The following NFKBIZ variants were observed in gnomAD, a reference collection of about 807,000 sequenced individuals.
NFKBIZ encodes the protein NF-kappa-B inhibitor zeta.
In NFKBIZ, 19 loss-of-function variants were observed where a neutral mutation model predicts 76.8. That is an observed-to-expected ratio of 0.25 (90% CI 0.17 to 0.36). NFKBIZ has a LOEUF of 0.36. Ranked by LOEUF, NFKBIZ falls within the 10% of genes least tolerant of loss-of-function variation. The probability of loss-of-function intolerance (pLI) is 1.00; values close to 1 mark genes in which losing one functional copy is unlikely to be tolerated. For synonymous variants in NFKBIZ, 368 were observed against 354.8 expected (o/e 1.04, Z -0.42); for missense variants, 829 against 910.9 (o/e 0.91, Z 1.16).
At chr3:101,842,811 G>A (rs2107403495) in intron 2 of NFKBIZ, among the ~76,000 whole-genome samples, 1 of 150,836 alleles carries the variant, frequency 6.6e-6, no homozygotes, top group South Asian at 2.1e-4. Flanking sequence ...CTGGATGGGT[G>A]ATCATTTGCA....
rs531600944 is a variant in NFKBIZ at position 101,860,754 on chromosome 3, C to T, written c.*1383C>T. ...GAATGTATTTGGCTTTGATTACACA[C>T]TAAGTTTTTGTAATAAATTTGACTC... On this transcript the variant is annotated 3_prime_UTR_variant, in exon 12 of 12. Transcript: ENST00000326172. 11 of 149,258 alleles carry T rather than the reference C, an allele frequency of 7.4e-5. No homozygotes were observed. The South Asian group carries it at 1.5e-3, about 20-fold the overall frequency. The allele number at this position is 149,258 out of a possible 1,614,324, so 9.2% of individuals were successfully genotyped here.
chr3:101,850,827 A>C (rs1942946176), intron 1 of NFKBIZ, among the ~76,000 whole-genome samples: 1 of 152,250 alleles, frequency 6.6e-6, no homozygotes, highest in Non-Finnish European at 1.5e-5. Flanking sequence ...GCGAAAAGCG[A>C]TTTAAACCAC....
At chr3:101,853,917 T>C (rs931644156) in intron 5 of NFKBIZ, 54 bp downstream of exon 5, 1 of 1,521,504 alleles carries the variant, frequency 6.6e-7, no homozygotes, top group Non-Finnish European at 9.0e-7. Flanking sequence ...CTTGTTGGAC[T>C]AGTGAGCATA....
At chr3:101,834,538 T>C (rs1227694414) in intron 2 of NFKBIZ, among the ~76,000 whole-genome samples, 1 of 152,128 alleles carries the variant, frequency 6.6e-6, no homozygotes, top group East Asian at 1.9e-4. Context: ...TTTTTGTATT[T>C]TTAGAAGAGA....
chr3:101,843,020 TAAAAAAAAAAAAAAA>T (rs35824432), intron 2 of NFKBIZ, among the ~76,000 whole-genome samples: 7 of 66,436 alleles, frequency 1.1e-4, no homozygotes. Context: ...CTGTATTTTC[TAAAAAAAAAAAAAAA>T]AAAAAAAAAA....
At chr3:101,829,754 A>G (rs929385681) in intron 2 of NFKBIZ, 1 of 152,130 alleles carries the variant, frequency 6.6e-6, no homozygotes, top group African/African-American at 2.4e-5. Flanking sequence ...GCTGATGTCA[A>G]AAAGGGCAGT....
At chr3:101,857,668 C>T (rs555169520) in intron 11 of NFKBIZ, 1 of 985,412 alleles carries the variant, frequency 1.0e-6, no homozygotes, top group Non-Finnish European at 1.2e-6. Context: ...TCCATAGACT[C>T]AAAATGGTTA....
upstream of NFKBIZ, among the ~76,000 whole-genome samples, chr3:101,845,037 G>A (rs919506981): frequency 2.0e-5 from 3 of 152,060 alleles, no homozygotes; most frequent in Admixed American, 1.3e-4. Context: ...GGAGGCTGAG[G>A]AGTGGGGGAT....
At chr3:101,854,766 T>G in intron 6 of NFKBIZ, 83 bp downstream of exon 6, 4 of 905,378 alleles carry the variant, frequency 4.4e-6, no homozygotes, top group South Asian at 3.5e-5. Context: ...GTAGATCATC[T>G]TAGAGCTCAA....
chr3:101,847,778 G>A (rs1383840674), upstream of NFKBIZ, among the ~76,000 whole-genome samples: 1 of 152,196 alleles, frequency 6.6e-6, no homozygotes, highest in Non-Finnish European at 1.5e-5. Flanking sequence ...TGTGGGGTAT[G>A]GCTGTATTTA....
At chr3:101,856,272 G>A (rs1011028302) in intron 9 of NFKBIZ, among the ~76,000 whole-genome samples, 13 of 152,102 alleles carry the variant, frequency 8.5e-5, no homozygotes, top group Admixed American at 2.0e-4. Context: ...GGATGGTCTC[G>A]ATCTCCTGAC....
chr3:101,841,255 C>T (rs1942781223), intron 2 of NFKBIZ, among the ~76,000 whole-genome samples: 1 of 152,206 alleles, frequency 6.6e-6, no homozygotes, highest in Non-Finnish European at 1.5e-5. Flanking sequence ...ATAGGTTACA[C>T]TCTTGTAAGG....
At chr3:101,828,915 A>G (rs1214760649) in intron 1 of NFKBIZ, among the ~76,000 whole-genome samples, 1 of 152,240 alleles carries the variant, frequency 6.6e-6, no homozygotes, top group Non-Finnish European at 1.5e-5. Context: ...TTGGTAATAT[A>G]TATTTCCTCT....
At chr3:101,842,196 AAGTGAGTCTTG>A (rs1212521958) in intron 2 of NFKBIZ, among the ~76,000 whole-genome samples, 1 of 152,164 alleles carries the variant, frequency 6.6e-6, no homozygotes, top group African/African-American at 2.4e-5. Context: ...GTTGGATATT[AAGTGAGTCTTG>A]AGTGAGTGTT....
chr3:101,859,523 T>A lies in NFKBIZ; in HGVS notation c.*152T>A. On this transcript the variant is annotated 3_prime_UTR_variant, in exon 12 of 12. Transcript: ENST00000326172. ...TTCACTATTATATAGTGGGTTATAT[T>A]AAAAGAAAAGAAGAAAAATATCTAA... 1 of 476,032 alleles carries A rather than the reference T, an allele frequency of 2.1e-6. No individual in the cohort carries two copies. Among genetic ancestry groups the A allele is most frequent in the Non-Finnish European group, 3.8e-6 (1 of 266,126 alleles). 29.5% of individuals were successfully genotyped at this position (476,032 alleles called of 1,614,324 possible).
Position 101,852,100 on chromosome 3 carries a change from G to T in NFKBIZ, c.305G>T (p.Gly102Val). Reference sequence around the variant, plus strand: ...TTTTGAACAGTTGAGCCCCATATGGGGGTTGGCAGGCAGCAGAGAGGCCCC... The same window carrying T: ...TTTTGAACAGTTGAGCCCCATATGGTGGTTGGCAGGCAGCAGAGAGGCCCC... Reference protein sequence around the residue: ...AERQPVEPHMGVGRQQRGPFQ... With the variant: ...AERQPVEPHMVVGRQQRGPFQ... The change falls in exon 2 of 12, where the codon GGG (glycine) becomes GTG (valine). Residue 102 changes from glycine to valine, a missense_variant. Physicochemically the swap from Gly to Val is moderately radical, Grantham distance 109. Coordinates refer to ENST00000326172, the MANE Select transcript of NFKBIZ (RefSeq NM_031419.4). 6.2e-7 allele frequency: 1 copy of T among 1,614,164 alleles called. No individual in the cohort carries two copies. Among genetic ancestry groups the T allele is most frequent in the Non-Finnish European group, 8.5e-7 (1 of 1,180,032 alleles).
chr3:101,852,741 C>A lies in NFKBIZ; in HGVS notation c.433C>A (p.Gln145Lys), dbSNP rs1458944107. 6 of 1,605,430 alleles carry A rather than the reference C, an allele frequency of 3.7e-6. No homozygotes were observed. The highest frequency in any genetic ancestry group is 5.1e-6 in the Non-Finnish European group (6 of 1,177,342). ...TTGGAAACTTTTTTCTTTATAGACA[C>A]AAGGTGTGAACATAGAACAGTTCAG... Reference protein sequence around the residue: ...SGQAVDDFKTQGVNIEQFREL... With the variant: ...SGQAVDDFKTKGVNIEQFREL... The change falls in exon 3 of 12, where the codon CAA becomes AAA. Residue 145 changes from glutamine (Q) to lysine (K), a missense_variant. Physicochemically the swap from Gln to Lys is moderately conservative, Grantham distance 53 (BLOSUM62 1). Transcript: ENST00000326172.
rs765004821 is a variant in NFKBIZ at position 101,852,870 on chromosome 3, A to G, written c.461-16A>G. 2.5e-6 allele frequency: 4 copies of G among 1,610,232 alleles called. No homozygotes were observed. Among genetic ancestry groups the G allele is most frequent in the Non-Finnish European group, 3.4e-6 (4 of 1,177,002 alleles). The stretch of plus-strand genomic sequence containing the variant: ...AAAATAAAATGATGACAGAGGCTGT[A>G]TTCCTTTGGGTACAGAATTGAAGAA... On this transcript the variant is annotated splice_polypyrimidine_tract_variant and intron_variant, in intron 3 of 11. Transcript: ENST00000326172.
chr3:101,842,540 G>T (rs1334225372), intron 2 of NFKBIZ, among the ~76,000 whole-genome samples: 1 of 151,644 alleles, frequency 6.6e-6, no homozygotes, highest in Non-Finnish European at 1.5e-5. Flanking sequence ...AAAACATTAT[G>T]AGATTCTTTT....
Sources: allele counts gnomAD v4.1 joint callset (sites outside exome capture counted in the v4.1 genomes callset), GRCh38; gene constraint gnomAD v4.1.1; transcripts MANE v1.5; gene names NCBI Gene and HGNC (gene_info 2026-07-23, HGNC 2026-07-21).